SDK2: variants seen among roughly 807,000 people sequenced by gnomAD.
The protein encoded by SDK2 is protein sidekick-2.
In SDK2, 105 loss-of-function variants were observed where a neutral mutation model predicts 253.9. That is an observed-to-expected ratio of 0.41 (90% CI 0.35 to 0.49). SDK2 has a LOEUF of 0.49. Among genes scored for constraint, SDK2 ranks in the 20% least tolerant of loss-of-function variants. The pLI is 0.06. For missense variants in SDK2, 2,608 were observed against 3,003.0 expected (o/e 0.87, Z 3.07); for synonymous variants, 1,249 against 1,234.9 (o/e 1.01, Z -0.24).
At chr17:73,376,920 C>T (rs1568371888) in intron 36 of SDK2, among the ~76,000 whole-genome samples, 1 of 150,174 alleles carries the variant, frequency 6.7e-6, no homozygotes, top group South Asian at 2.1e-4. Context: ...GGATTCCATC[C>T]TAAATCGGGA....
chr17:73,571,947 G>A (rs544465209), intron 1 of SDK2, among the ~76,000 whole-genome samples: 4 of 152,190 alleles, frequency 2.6e-5, no homozygotes, highest in African/African-American at 4.8e-5. Context: ...AAGGAGGAGC[G>A]CCCGCGGGGC....
At chr17:73,412,286 ATATATATATGTGTG>A (rs996239377) in intron 18 of SDK2, among the ~76,000 whole-genome samples, 1 of 147,452 alleles carries the variant, frequency 6.8e-6, no homozygotes, top group African/African-American at 2.6e-5. Context: ...GTGTGTGTGT[ATATATATATGTGTG>A]TATATATATA....
intron 1 of SDK2, among the ~76,000 whole-genome samples, chr17:73,524,890 C>T (rs756125161): frequency 1.8e-4 from 28 of 152,268 alleles, no homozygotes; most frequent in Non-Finnish European, 2.8e-4. Flanking sequence ...ATCATGCAGA[C>T]GTTTCAGGCA....
intron 36 of SDK2, among the ~76,000 whole-genome samples, chr17:73,372,032 C>T (rs958965101): frequency 2.6e-5 from 4 of 151,966 alleles, no homozygotes; most frequent in Admixed American, 6.6e-5. Flanking sequence ...TCTGCCCTGC[C>T]CGTGGGAGCT....
chr17:73,412,167 TACACATATATGTATATGCAC>T (rs2063144215), intron 18 of SDK2, among the ~76,000 whole-genome samples: 3 of 146,722 alleles, frequency 2.0e-5, no homozygotes, highest in Non-Finnish European at 3.0e-5. Context: ...TATATGTATA[TACACATATATGTATATGCAC>T]ATACACACAT....
intron 12 of SDK2, among the ~76,000 whole-genome samples, chr17:73,428,961 C>G (rs2063305368): frequency 6.6e-6 from 1 of 152,132 alleles, no homozygotes; most frequent in Non-Finnish European, 1.5e-5. Context: ...GATTTCTGAC[C>G]TGCAGTTCAC....
intron 18 of SDK2, among the ~76,000 whole-genome samples, chr17:73,406,478 G>A (rs531252378): frequency 6.6e-6 from 1 of 151,616 alleles, no homozygotes; most frequent in South Asian, 2.1e-4. Context: ...TTGAACTCCT[G>A]ATCTCAAATG....
chr17:73,599,532 C>CAAA (rs201148895), intron 1 of SDK2, among the ~76,000 whole-genome samples: 3 of 129,710 alleles, frequency 2.3e-5, no homozygotes, highest in African/African-American at 8.4e-5. Context: ...GGTTCCATCT[C>CAAA]AAAAAAAAAA....
At chr17:73,428,841 G>A (rs1416348484) in intron 12 of SDK2, among the ~76,000 whole-genome samples, 1 of 152,070 alleles carries the variant, frequency 6.6e-6, no homozygotes, top group African/African-American at 2.4e-5. Flanking sequence ...AATTTTGGGG[G>A]GGATAAAGGG....
At chr17:73,409,260 C>A (rs2063105885) in intron 18 of SDK2, among the ~76,000 whole-genome samples, 1 of 152,160 alleles carries the variant, frequency 6.6e-6, no homozygotes, top group African/African-American at 2.4e-5. Flanking sequence ...GTGGGTGGAT[C>A]ATTTGAGGTC....
Position 73,405,517 on chromosome 17 carries a change from T to TATAA in SDK2, c.2485-3377_2485-3376insTTAT, listed in dbSNP as rs750250733. Among the ~76,000 whole-genome samples the TATAA allele has an allele frequency of 4.4e-4, 29 of 66,142 alleles. 5 individuals are homozygous for TATAA. Among genetic ancestry groups the TATAA allele is most frequent in the African/African-American group, 5.6e-4 (9 of 16,216 alleles). The allele number at this position is 66,142 out of a possible 152,430, so 43.4% of individuals were successfully genotyped here. Reference sequence around the variant, plus strand: ...ATATATATATATATATATATATATATAAAGATCGAGAATGTGGAAAGTACA... The same window carrying TATAA: ...ATATATATATATATATATATATATATATAAAAAGATCGAGAATGTGGAAAGTACA... On this transcript the variant is annotated intron_variant, in intron 18 of 44. Transcript: ENST00000392650.
At position 73,536,596 on chromosome 17, in the gene SDK2, T is replaced by C. The variant is rs185335472; in HGVS notation, c.65-28999A>G. On this transcript the variant is annotated intron_variant, in intron 1 of 44. Coordinates refer to ENST00000392650, the MANE Select transcript of SDK2 (RefSeq NM_001144952.2). ...GGGGCCACACAGAGACAGCTGGGGC[T>C]GCTGGCTATTGTCCTAGAGGCAGCA... 3.3e-5 allele frequency among the ~76,000 whole-genome samples: 5 copies of C among 152,312 alleles called. No homozygotes were observed. The East Asian group carries it at 9.7e-4, about 29-fold the overall frequency.
chr17:73,400,940 G>A lies in SDK2; in HGVS notation c.2971+80C>T, dbSNP rs1568383416. 1.1e-5 allele frequency: 15 copies of A among 1,377,576 alleles called. No individual in the cohort carries two copies. The East Asian group carries it at 1.3e-4, about 12-fold the overall frequency. The allele number at this position is 1,377,576 out of a possible 1,614,324, so 85.3% of individuals were successfully genotyped here. ...TGGGACTACAGGCATGAGCCACCACGCCCAGCCGACAAGGGGCCTCTTGAA... is the reference window on the plus strand; with the variant it reads ...TGGGACTACAGGCATGAGCCACCACACCCAGCCGACAAGGGGCCTCTTGAA... On this transcript the variant is annotated intron_variant, in intron 21 of 44. Transcript: ENST00000392650.
At chr17:73,521,737 A>G (rs1402920563) in intron 1 of SDK2, among the ~76,000 whole-genome samples, 2 of 151,978 alleles carry the variant, frequency 1.3e-5, no homozygotes, top group Non-Finnish European at 2.9e-5. Flanking sequence ...CCCCAACTCC[A>G]CATTTACAGA....
At chr17:73,358,447 A>G (rs2062611590) in intron 39 of SDK2, among the ~76,000 whole-genome samples, 1 of 152,166 alleles carries the variant, frequency 6.6e-6, no homozygotes, top group African/African-American at 2.4e-5. Context: ...AGACAAATGG[A>G]ATGGTCCAGA....
At position 73,368,332 on chromosome 17, in the gene SDK2, C is replaced by T. The variant is rs866133886; in HGVS notation, c.5167+75G>A. 45 of 1,305,586 alleles carry T rather than the reference C, an allele frequency of 3.4e-5. No homozygotes were observed. The Middle Eastern group carries it at 2.0e-3, about 58-fold the overall frequency. The allele number at this position is 1,305,586 out of a possible 1,614,324, so 80.9% of individuals were successfully genotyped here. On this transcript the variant is annotated intron_variant, in intron 37 of 44. Coordinates refer to ENST00000392650, the MANE Select transcript of SDK2 (RefSeq NM_001144952.2). The stretch of plus-strand genomic sequence containing the variant: ...GCTGCCCCCATGCCTGCCAAGAGCC[C>T]GGATGCCAGGTAGGTCCTCTTGCAA...
At chr17:73,506,014 TCTC>T (rs1291338230) in intron 2 of SDK2, among the ~76,000 whole-genome samples, 2 of 152,146 alleles carry the variant, frequency 1.3e-5, no homozygotes. Flanking sequence ...AGGAACCAAC[TCTC>T]CTCCTCCCCT....
chr17:73,426,191 T>C (rs1163843531), intron 12 of SDK2, among the ~76,000 whole-genome samples: 1 of 135,564 alleles, frequency 7.4e-6, no homozygotes, highest in East Asian at 2.3e-4. Context: ...ATTACAGGCC[T>C]GCACCACCAT....
intron 2 of SDK2, among the ~76,000 whole-genome samples, chr17:73,473,229 A>C (rs893088090): frequency 1.3e-5 from 2 of 152,206 alleles, no homozygotes; most frequent in Non-Finnish European, 2.9e-5. Flanking sequence ...ATTGGGGGGC[A>C]GGCGGCTGGG....
Sources: allele counts gnomAD v4.1 joint callset (sites outside exome capture counted in the v4.1 genomes callset), GRCh38; gene constraint gnomAD v4.1.1; transcripts MANE v1.5; gene names NCBI Gene and HGNC (gene_info 2026-07-23, HGNC 2026-07-21).